Variants in ZDHHC17 observed in about 807,000 individuals in gnomAD.
ZDHHC17 encodes the protein zDHHC palmitoyltransferase 17, also known as palmitoyltransferase ZDHHC17.
Under a neutral mutation model 90.3 loss-of-function variants are expected in ZDHHC17, and 40 were observed. The ratio of observed to expected loss-of-function variants is 0.44; its 90% CI spans 0.34 to 0.58. The LOEUF is 0.58. ZDHHC17 is among the 20% of genes least tolerant of loss of function. The pLI, the probability that ZDHHC17 is intolerant of heterozygous loss-of-function variation, is 0.01. For synonymous variants in ZDHHC17, 235 were observed against 252.4 expected (o/e 0.93, Z 0.65); for missense variants, 614 against 780.8 (o/e 0.79, Z 2.55).
chr12:76,775,756 TTTAC>T lies in ZDHHC17; in HGVS notation c.93+11434_93+11437del, dbSNP rs547606528. 9.7e-4 allele frequency among the ~76,000 whole-genome samples: 148 copies of T among 152,186 alleles called. 3 individuals carry two copies. Among genetic ancestry groups the T allele is most frequent in the Non-Finnish European group, 1.5e-3 (101 of 68,010 alleles). Reference sequence around the variant, plus strand: ...AATAGTTAGCTGTTGTTTTATAATCTTTACTTACTTTCTTTCTGCAGTTCCAAGA... The same window carrying T: ...AATAGTTAGCTGTTGTTTTATAATCTTTACTTTCTTTCTGCAGTTCCAAGA... On this transcript the variant is annotated intron_variant, in intron 1 of 16. Coordinates refer to ENST00000426126, the MANE Select transcript of ZDHHC17 (RefSeq NM_015336.4).
chr12:76,803,596 G>A (rs529782355), intron 2 of ZDHHC17, among the ~76,000 whole-genome samples: 2 of 152,292 alleles, frequency 1.3e-5, no homozygotes, highest in East Asian at 1.9e-4. Flanking sequence ...CAGTTGGACC[G>A]GGACTTGTGC....
chr12:76,777,235 C>T (rs970103296), intron 1 of ZDHHC17, among the ~76,000 whole-genome samples: 2 of 152,288 alleles, frequency 1.3e-5, no homozygotes, highest in Middle Eastern at 3.4e-3. Flanking sequence ...ACCTGTTCTC[C>T]ATTTCTATTA....
intron 1 of ZDHHC17, among the ~76,000 whole-genome samples, chr12:76,789,336 G>A (rs1203994307): frequency 6.6e-6 from 1 of 152,156 alleles, no homozygotes; most frequent in Non-Finnish European, 1.5e-5. Flanking sequence ...AAATGATTAA[G>A]ATAGGATTCC....
intron 10 of ZDHHC17, among the ~76,000 whole-genome samples, chr12:76,836,762 C>T (rs1237158430): frequency 3.3e-5 from 5 of 152,070 alleles, no homozygotes; most frequent in Admixed American, 6.6e-5. Context: ...ATTTATTGAG[C>T]GACCTATGGT....
chr12:76,839,406 T>A (rs1483277555), intron 10 of ZDHHC17, among the ~76,000 whole-genome samples: 1 of 152,246 alleles, frequency 6.6e-6, no homozygotes, highest in East Asian at 1.9e-4. Flanking sequence ...GTCTCCTTTC[T>A]GAAGTTGTTG....
At chr12:76,831,635 C>G (rs984399996) in intron 10 of ZDHHC17, among the ~76,000 whole-genome samples, 2 of 152,136 alleles carry the variant, frequency 1.3e-5, no homozygotes, top group Non-Finnish European at 2.9e-5. Flanking sequence ...CAGGCGTGAG[C>G]CACTGTGCCT....
chr12:76,776,512 T>C (rs1952562342), intron 1 of ZDHHC17, among the ~76,000 whole-genome samples: 1 of 152,208 alleles, frequency 6.6e-6, no homozygotes, highest in Non-Finnish European at 1.5e-5. Context: ...TTTTATTACA[T>C]AAATGTTATG....
At chr12:76,781,864 A>G (rs1489061466) in intron 1 of ZDHHC17, among the ~76,000 whole-genome samples, 1 of 152,246 alleles carries the variant, frequency 6.6e-6, no homozygotes, top group Non-Finnish European at 1.5e-5. Flanking sequence ...TCTCAAAAAC[A>G]TAATGTTAAC....
At position 76,792,296 on chromosome 12, in the gene ZDHHC17, C is replaced by G. The variant is rs534067565; in HGVS notation, c.94-5138C>G. 1.3e-4 allele frequency among the ~76,000 whole-genome samples: 20 copies of G among 152,270 alleles called. No homozygotes were observed. In the East Asian group the frequency reaches 2.5e-3, roughly 19 times the overall value. ...ATTTTAGGAGCCTTGTGCCGTGAAC[C>G]TGGGACAAAGACGGATTACACTTAT... On this transcript the variant is annotated intron_variant, in intron 1 of 16. Transcript: ENST00000426126.
intron 1 of ZDHHC17, among the ~76,000 whole-genome samples, chr12:76,791,789 A>G (rs920045131): frequency 6.6e-6 from 1 of 152,144 alleles, no homozygotes; most frequent in Non-Finnish European, 1.5e-5. Context: ...CTGGCTATAA[A>G]TTGGGTTCCC....
At chr12:76,794,527 T>C (rs1471670280) in intron 1 of ZDHHC17, among the ~76,000 whole-genome samples, 1 of 152,184 alleles carries the variant, frequency 6.6e-6, no homozygotes, top group Admixed American at 6.5e-5. Flanking sequence ...TACCTTTTCT[T>C]TAGTGAGTAT....
At chr12:76,800,308 T>C (rs1952870369) in intron 2 of ZDHHC17, among the ~76,000 whole-genome samples, 1 of 152,226 alleles carries the variant, frequency 6.6e-6, no homozygotes, top group African/African-American at 2.4e-5. Flanking sequence ...AGAGGCACAG[T>C]ACTACATTTT....
At chr12:76,820,066 G>A (rs1009892669) in intron 7 of ZDHHC17, among the ~76,000 whole-genome samples, 1 of 151,616 alleles carries the variant, frequency 6.6e-6, no homozygotes, top group Admixed American at 6.6e-5. Flanking sequence ...TTCATCTCTG[G>A]AAGGATCAGG....
At chr12:76,843,688 C>A (rs1272192180) in intron 12 of ZDHHC17, among the ~76,000 whole-genome samples, 1 of 151,888 alleles carries the variant, frequency 6.6e-6, no homozygotes, top group African/African-American at 2.4e-5. Context: ...ATATATACTG[C>A]CACAGTGCTT....
chr12:76,798,811 A>G (rs916065592), intron 2 of ZDHHC17, among the ~76,000 whole-genome samples: 1 of 152,122 alleles, frequency 6.6e-6, no homozygotes, highest in African/African-American at 2.4e-5. Context: ...GGTATTGCAC[A>G]TTTCCAAACA....
intron 1 of ZDHHC17, 63 bp from the exon 2 acceptor site, chr12:76,797,371 A>G: frequency 8.5e-7 from 1 of 1,179,080 alleles, no homozygotes; most frequent in Non-Finnish European, 1.2e-6. Flanking sequence ...ACTATAAAAT[A>G]TAGAAATATT....
intron 1 of ZDHHC17, among the ~76,000 whole-genome samples, chr12:76,773,342 G>A (rs1021688533): frequency 2.6e-5 from 4 of 152,172 alleles, no homozygotes; most frequent in South Asian, 2.1e-4. Context: ...CATGCAGTAT[G>A]TTGCCTTTTG....
At chr12:76,774,036 G>A (rs1952527017) in intron 1 of ZDHHC17, among the ~76,000 whole-genome samples, 1 of 152,104 alleles carries the variant, frequency 6.6e-6, no homozygotes, top group Admixed American at 6.5e-5. Context: ...GATCGCTTGA[G>A]CCTAGCAATT....
chr12:76,796,986 C>T (rs1952826798), intron 1 of ZDHHC17, among the ~76,000 whole-genome samples: 1 of 151,442 alleles, frequency 6.6e-6, no homozygotes, highest in South Asian at 2.1e-4. Flanking sequence ...TAGACTTGGC[C>T]GGGCATGGTG....
Sources: allele counts gnomAD v4.1 joint callset (sites outside exome capture counted in the v4.1 genomes callset), GRCh38; gene constraint gnomAD v4.1.1; transcripts MANE v1.5; gene names NCBI Gene and HGNC (gene_info 2026-07-23, HGNC 2026-07-21).